Variants in SGCD observed in about 807,000 individuals in gnomAD.
The protein encoded by SGCD is delta-sarcoglycan.
A neutral mutation model predicts 36.6 loss-of-function variants in SGCD; 18 were observed. That is an observed-to-expected ratio of 0.49 (90% confidence interval 0.34 to 0.73). The LOEUF is 0.73. Ranked by LOEUF, SGCD falls within the 30% of genes least tolerant of loss-of-function variation. SGCD has a pLI of 0.01. For synonymous variants in SGCD, 133 were observed against 130.6 expected (o/e 1.02, Z -0.12); for missense variants, 387 against 346.7 (o/e 1.12, Z -0.92).
At chr5:156,300,092 G>T (rs967889021) in intron 3 of SGCD, among the ~76,000 whole-genome samples, 1 of 151,908 alleles carries the variant, frequency 6.6e-6, no homozygotes, top group African/African-American at 2.4e-5. Context: ...CTTTAATTGT[G>T]TTGAGCTATT....
At position 156,185,427 on chromosome 5, in the gene SGCD, G is replaced by A. The variant is rs1157849581; in HGVS notation, c.-44+61408G>A. ...GACGGGGTTTCACCACGTTAGCCAGGATGGTCTCGATCTCCTGACCTTGTG... is the reference window on the plus strand; with the variant it reads ...GACGGGGTTTCACCACGTTAGCCAGAATGGTCTCGATCTCCTGACCTTGTG... On this transcript the variant is annotated intron_variant, in intron 3 of 9. Coordinates refer to the SGCD transcript ENST00000517913. Among the ~76,000 whole-genome samples the A allele has an allele frequency of 9.2e-5, 14 of 151,988 alleles. No individual in the cohort carries two copies. The East Asian group carries it at 2.5e-3, about 28-fold the overall frequency.
intron 3 of SGCD, among the ~76,000 whole-genome samples, chr5:156,159,191 A>T (rs1212421744): frequency 6.6e-6 from 1 of 151,664 alleles, no homozygotes; most frequent in East Asian, 1.9e-4. Context: ...AAAGAGCCTT[A>T]AAAAATGTCT....
intron 3 of SGCD, among the ~76,000 whole-genome samples, chr5:156,230,096 G>A (rs1408634707): frequency 6.6e-6 from 1 of 151,734 alleles, no homozygotes; most frequent in Non-Finnish European, 1.5e-5. Flanking sequence ...CTTACATTTG[G>A]CTTCACCTTT....
At chr5:155,869,448 T>G (rs1402695086), upstream of SGCD, among the ~76,000 whole-genome samples, 2 of 152,186 alleles carry the variant, frequency 1.3e-5, no homozygotes, top group Non-Finnish European at 2.9e-5. Context: ...TTCATCTTTT[T>G]CAGTCATTAT....
rs2127580671 is a variant in SGCD, at chr5:156,049,209, G to A, written c.-281-68669G>A. ...ATCTCTGTTTTGGTACCAGTACCATGCTGTTTTGGTTACTGTAGGCTTGTA... is the reference window on the plus strand; with the variant it reads ...ATCTCTGTTTTGGTACCAGTACCATACTGTTTTGGTTACTGTAGGCTTGTA... On this transcript the variant is annotated intron_variant, in intron 1 of 9. Coordinates refer to the SGCD transcript ENST00000517913. Among the ~76,000 whole-genome samples, 3 of 146,518 alleles carry A rather than the reference G, an allele frequency of 2.0e-5. 1 individual carries two copies. The South Asian group carries it at 6.5e-4, about 32-fold the overall frequency.
chr5:156,005,068 C>T (rs10065181), intron 1 of SGCD, among the ~76,000 whole-genome samples: 7,627 of 152,204 alleles, frequency 0.05, 650 homozygotes, highest in African/African-American at 0.17. Flanking sequence ...AGACTGGAGC[C>T]ACTTTGGGCA....
intron 3 of SGCD, among the ~76,000 whole-genome samples, chr5:156,446,479 C>G (rs751187088): frequency 6.6e-6 from 1 of 152,048 alleles, no homozygotes; most frequent in African/African-American, 2.4e-5. Context: ...AGAAACTCAG[C>G]CAGCTTCAGG....
intron 1 of SGCD, among the ~76,000 whole-genome samples, chr5:155,908,871 G>T (rs897740915): frequency 2.0e-5 from 3 of 152,086 alleles, no homozygotes; most frequent in Admixed American, 6.6e-5. Context: ...TTCAAAAAGC[G>T]CAATCTACCT....
chr5:156,331,373 C>T (rs1378964986), intron 2 of SGCD, among the ~76,000 whole-genome samples: 2 of 152,172 alleles, frequency 1.3e-5, no homozygotes, highest in Non-Finnish European at 2.9e-5. Flanking sequence ...AACATGTCAC[C>T]GTGGTTCACT....
At chr5:156,422,262 C>T (rs1375979435) in intron 3 of SGCD, among the ~76,000 whole-genome samples, 3 of 151,996 alleles carry the variant, frequency 2.0e-5, no homozygotes, top group Non-Finnish European at 4.4e-5. Flanking sequence ...TGTTTGCTCC[C>T]CAAATGTGGA....
intron 3 of SGCD, among the ~76,000 whole-genome samples, chr5:156,166,382 T>C (rs963027833): frequency 3.3e-5 from 5 of 152,160 alleles, no homozygotes; most frequent in African/African-American, 1.2e-4. Flanking sequence ...AGTAGCACAA[T>C]CTTGGCTTAC....
At chr5:155,771,229 C>G in the SGCD span, among the ~76,000 whole-genome samples, 1 of 151,556 alleles carries the variant, frequency 6.6e-6, no homozygotes, top group South Asian at 2.1e-4. Context: ...TCTCATTTTG[C>G]TGGGGTATTT....
At chr5:156,403,355 C>T (rs77240538) in intron 3 of SGCD, among the ~76,000 whole-genome samples, 2,364 of 152,232 alleles carry the variant, frequency 0.016, 45 homozygotes, top group African/African-American at 0.048. Flanking sequence ...AGAGAACTCG[C>T]GGTCTATTAA....
chr5:156,502,703 T>G (rs1270026884), intron 3 of SGCD, among the ~76,000 whole-genome samples: 1 of 152,178 alleles, frequency 6.6e-6, no homozygotes. Context: ...CTAATTGACC[T>G]CAAACTCCAA....
At chr5:155,751,421 T>C in the SGCD span, among the ~76,000 whole-genome samples, 1 of 152,176 alleles carries the variant, frequency 6.6e-6, no homozygotes, top group Non-Finnish European at 1.5e-5. Flanking sequence ...TGAGACAGAC[T>C]TTCACTCTGT....
At chr5:155,953,778 C>G (rs896627845) in intron 1 of SGCD, among the ~76,000 whole-genome samples, 2 of 152,186 alleles carry the variant, frequency 1.3e-5, no homozygotes, top group African/African-American at 4.8e-5. Context: ...ACTAGGTCAT[C>G]TTGTATTTCC....
At chr5:156,128,910 A>G (rs1215506992) in intron 3 of SGCD, among the ~76,000 whole-genome samples, 1 of 152,230 alleles carries the variant, frequency 6.6e-6, no homozygotes, top group Non-Finnish European at 1.5e-5. Flanking sequence ...ACATAATAAC[A>G]TGGACAAATC....
intron 7 of SGCD, among the ~76,000 whole-genome samples, chr5:156,649,482 C>A (rs1763371004): frequency 6.6e-6 from 1 of 152,060 alleles, no homozygotes; most frequent in South Asian, 2.1e-4. Context: ...CAATGATAGA[C>A]TGGATTAAGA....
chr5:156,557,370 A>G (rs1443151349), intron 4 of SGCD, among the ~76,000 whole-genome samples: 5 of 152,316 alleles, frequency 3.3e-5, no homozygotes, highest in African/African-American at 1.2e-4. Context: ...TTGTACAACA[A>G]CAAGTATTGC....
Sources: allele counts gnomAD v4.1 joint callset (sites outside exome capture counted in the v4.1 genomes callset), GRCh38; gene constraint gnomAD v4.1.1; transcripts MANE v1.5; gene names NCBI Gene and HGNC (gene_info 2026-07-23, HGNC 2026-07-21).